The following PTCHD4 variants were observed in gnomAD, a reference collection of about 807,000 sequenced individuals.
The protein encoded by PTCHD4 is patched domain containing 4, also known as patched domain-containing protein 4.
Under a neutral mutation model 58.1 loss-of-function variants are expected in PTCHD4, and 33 were observed. That is an observed-to-expected ratio of 0.57 (90% CI 0.43 to 0.76). The LOEUF (loss-of-function observed/expected upper bound fraction) is 0.76. Ranked by LOEUF, PTCHD4 falls within the 30% of genes least tolerant of loss-of-function variation. The pLI, the probability that PTCHD4 is intolerant of heterozygous loss-of-function variation, is 0.00. For synonymous variants in PTCHD4, 478 were observed against 409.6 expected, an observed-to-expected ratio of 1.17 and a Z score of -2.02; for missense variants, 1,058 against 1,027.1, an observed-to-expected ratio of 1.03 and a Z score of -0.41.
intron 4 of PTCHD4, among the ~76,000 whole-genome samples, chr6:47,982,181 C>G (rs1000417837): frequency 2.0e-5 from 3 of 152,074 alleles, no homozygotes; most frequent in African/African-American, 7.2e-5. Context: ...GGGGTTGTGA[C>G]TCTTTCTCTG....
At chr6:48,010,762 G>A (rs775967830) in intron 3 of PTCHD4, among the ~76,000 whole-genome samples, 2 of 151,990 alleles carry the variant, frequency 1.3e-5, no homozygotes, top group Non-Finnish European at 2.9e-5. Context: ...ACCACCCACC[G>A]ATAGGCCCTG....
At chr6:48,004,487 A>G (rs776861553) in intron 4 of PTCHD4, among the ~76,000 whole-genome samples, 1 of 152,216 alleles carries the variant, frequency 6.6e-6, no homozygotes, top group Non-Finnish European at 1.5e-5. Context: ...GAGGAAACAC[A>G]TCCACATAAA....
intron 4 of PTCHD4, among the ~76,000 whole-genome samples, chr6:47,958,474 C>A (rs114991644): frequency 0.012 from 1,850 of 152,300 alleles, 35 homozygotes; most frequent in African/African-American, 0.04. Flanking sequence ...ATGACGTGAA[C>A]CCTGCCATTA....
intron 4 of PTCHD4, chr6:47,901,590 T>G: frequency 1.9e-6 from 2 of 1,049,918 alleles, no homozygotes; most frequent in Non-Finnish European, 2.3e-6. Flanking sequence ...CCAATTTAGT[T>G]TCCCATGAGA....
intron 4 of PTCHD4, among the ~76,000 whole-genome samples, chr6:47,949,182 G>A (rs1412521930): frequency 6.6e-6 from 1 of 152,186 alleles, no homozygotes; most frequent in Admixed American, 6.5e-5. Context: ...AGGTTGTTAG[G>A]ACAGGCCTCT....
At chr6:48,040,925 G>A (rs2114151240) in intron 3 of PTCHD4, among the ~76,000 whole-genome samples, 1 of 152,156 alleles carries the variant, frequency 6.6e-6, no homozygotes, top group East Asian at 1.9e-4. Flanking sequence ...TGGATTTGAA[G>A]TACCAAGTAT....
At position 47,857,347 on chromosome 6, in the gene PTCHD4, T is replaced by G. The variant is rs75598657; in HGVS notation, c.*20956A>C. Among the ~76,000 whole-genome samples the G allele has an allele frequency of 5.3e-5, 8 of 152,094 alleles. No individual in the cohort carries two copies. The highest frequency in any genetic ancestry group is 4.6e-4 in the Admixed American group (7 of 15,232). ...AAGTTTCTGCGAATACGTAGTTTCA[T>G]GTAGGGCATAACTTCTATCCTGTGA... On this transcript the variant is annotated 3_prime_UTR_variant, in exon 5 of 5. Transcript: ENST00000339488.
intron 4 of PTCHD4, among the ~76,000 whole-genome samples, chr6:47,977,252 G>A (rs1767727092): frequency 6.6e-6 from 1 of 152,188 alleles, no homozygotes; most frequent in Non-Finnish European, 1.5e-5. Context: ...CCTTGAGAGT[G>A]AGCTAGACTT....
intron 4 of PTCHD4, among the ~76,000 whole-genome samples, chr6:47,984,685 A>G (rs1767998140): frequency 1.3e-5 from 2 of 152,268 alleles, no homozygotes; most frequent in African/African-American, 4.8e-5. Flanking sequence ...AAATATACCC[A>G]TGGGCACAGT....
intron 4 of PTCHD4, among the ~76,000 whole-genome samples, chr6:47,924,950 A>AT (rs575593786): frequency 9.6e-4 from 138 of 144,442 alleles, no homozygotes; most frequent in African/African-American, 3.5e-3. Flanking sequence ...CATTTTATAT[A>AT]TAAAAAAGCA....
intron 4 of PTCHD4, among the ~76,000 whole-genome samples, chr6:47,995,482 C>CT (rs1412278441): frequency 1.3e-5 from 2 of 152,072 alleles, no homozygotes; most frequent in Admixed American, 6.5e-5. Flanking sequence ...ATGTAAGCCC[C>CT]TTTTTTGGAG....
At chr6:48,012,725 C>G (rs1562006573) in intron 3 of PTCHD4, among the ~76,000 whole-genome samples, 1 of 152,100 alleles carries the variant, frequency 6.6e-6, no homozygotes, top group South Asian at 2.1e-4. Flanking sequence ...ATAAATAGCT[C>G]TTATTGTTTT....
At chr6:47,901,780 CGAT>C in intron 4 of PTCHD4, 1 of 1,238,026 alleles carries the variant, frequency 8.1e-7, no homozygotes, top group Non-Finnish European at 1.0e-6. Context: ...ATGATGATGA[CGAT>C]GATGATGATT....
At chr6:47,881,482 G>A (rs1581819552) in intron 4 of PTCHD4, among the ~76,000 whole-genome samples, 1 of 152,268 alleles carries the variant, frequency 6.6e-6, no homozygotes, top group South Asian at 2.1e-4. Flanking sequence ...ATAGTATAAT[G>A]AAGCCACTGG....
rs192956830 is a variant in PTCHD4, at chr6:48,093,726, A to G, written c.-970+17323T>C. ...CCCCACCTTCATATATTAATTAACT[A>G]TAACTTTAAAGGAAGAAAAAAATGG... On this transcript the variant is annotated intron_variant, in intron 1 of 4. Transcript: ENST00000339488. Among the ~76,000 whole-genome samples, 118 of 148,478 alleles carry G rather than the reference A, an allele frequency of 7.9e-4. 1 individual carries two copies. Among genetic ancestry groups the G allele is most frequent in the African/African-American group, 2.9e-3 (114 of 39,624 alleles).
At chr6:47,924,332 A>C (rs1026299518) in intron 4 of PTCHD4, among the ~76,000 whole-genome samples, 5 of 152,138 alleles carry the variant, frequency 3.3e-5, no homozygotes, top group African/African-American at 2.4e-5. Flanking sequence ...AGAAAGAGAA[A>C]GATGTTTAAC....
intron 3 of PTCHD4, among the ~76,000 whole-genome samples, chr6:48,021,806 C>T (rs1171712652): frequency 6.6e-6 from 1 of 152,064 alleles, no homozygotes; most frequent in South Asian, 2.1e-4. Context: ...CTCAAAGAAA[C>T]GTCTTCGGAT....
chr6:47,938,051 G>T (rs536974625), intron 4 of PTCHD4, among the ~76,000 whole-genome samples: 7 of 152,272 alleles, frequency 4.6e-5, no homozygotes, highest in Middle Eastern at 3.4e-3. Flanking sequence ...TACTCGGCAG[G>T]CTGAGGCAGG....
intron 1 of PTCHD4, among the ~76,000 whole-genome samples, chr6:48,095,369 T>C (rs552256907): frequency 6.6e-6 from 1 of 152,272 alleles, no homozygotes; most frequent in African/African-American, 2.4e-5. Flanking sequence ...GAAAACTTAT[T>C]CCATAGTGAT....
Sources: gnomAD v4.1 joint callset for allele counts (sites outside exome capture counted in the v4.1 genomes callset) on GRCh38, gnomAD v4.1.1 for gene constraint, MANE v1.5 for transcripts, NCBI Gene and HGNC (gene_info 2026-07-23, HGNC 2026-07-21) for gene names.